MAST4: variants seen among roughly 807,000 people sequenced by gnomAD.
MAST4 encodes microtubule associated serine/threonine kinase family member 4.
MAST4 carries 89 observed loss-of-function variants against 162.7 expected under a neutral mutation model. The observed-to-expected ratio is 0.55, with a 90% CI of 0.46 to 0.65. MAST4 has a LOEUF of 0.65. Among genes scored for constraint, MAST4 ranks in the 30% least tolerant of loss-of-function variants. MAST4 has a pLI of 0.00. For missense variants in MAST4, 3,153 were observed against 3,374.0 expected, an observed-to-expected ratio of 0.93 and a Z score of 1.62; for synonymous variants, 1,479 against 1,361.1, an observed-to-expected ratio of 1.09 and a Z score of -1.91.
intron 14 of MAST4, among the ~76,000 whole-genome samples, chr5:67,128,345 T>C (rs1196823305): frequency 3.3e-5 from 5 of 152,196 alleles, no homozygotes; most frequent in Non-Finnish European, 7.3e-5. Flanking sequence ...GGCACCCAGC[T>C]GGCTGGCTTA....
chr5:66,912,672 A>G (rs541785364), intron 4 of MAST4, among the ~76,000 whole-genome samples: 4 of 152,260 alleles, frequency 2.6e-5, no homozygotes, highest in South Asian at 2.1e-4. Flanking sequence ...ACACCTGGTT[A>G]AAAGCATATT....
rs1265401843 is a variant in MAST4, at chr5:66,855,582, G to C, written c.643-44369G>C. 2.6e-5 allele frequency among the ~76,000 whole-genome samples: 4 copies of C among 152,230 alleles called. No homozygotes were observed. In the East Asian group the frequency reaches 7.7e-4, roughly 29 times the overall value. ...GGATGTTGTCAAGAAGCAGGAATGA[G>C]GGAGGAGAGATAAGGAAGCAATGCC... On this transcript the variant is annotated intron_variant, in intron 3 of 28. Transcript: ENST00000403625.
At chr5:66,716,928 C>G (rs1307574168) in intron 1 of MAST4, among the ~76,000 whole-genome samples, 3 of 152,216 alleles carry the variant, frequency 2.0e-5, no homozygotes. Context: ...ATTCAACAAA[C>G]ACATGTCTCC....
rs1251529966 is a variant in MAST4, at chr5:67,090,145, C to G, written c.764-17C>G. On this transcript the variant is annotated splice_polypyrimidine_tract_variant and intron_variant, in intron 5 of 28. Coordinates refer to ENST00000403625, the MANE Select transcript of MAST4 (RefSeq NM_001164664.2). ...ACAAAATCATGTAGTAAATTTCTCT[C>G]TTTTCTCTTTCTCTAGGAAATAGCC... The G allele has an allele frequency of 2.5e-6, 4 of 1,573,098 alleles. No individual in the cohort carries two copies. The highest frequency in any genetic ancestry group is 2.6e-6 in the Non-Finnish European group (3 of 1,144,554).
chr5:67,017,103 TAG>T (rs1753389066), intron 4 of MAST4, among the ~76,000 whole-genome samples: 2 of 152,214 alleles, frequency 1.3e-5, no homozygotes, highest in Non-Finnish European at 2.9e-5. Context: ...TTGCTGTGTT[TAG>T]AGAACGAAAA....
intron 1 of MAST4, among the ~76,000 whole-genome samples, chr5:66,682,284 A>G (rs1328693004): frequency 6.6e-6 from 1 of 152,198 alleles, no homozygotes; most frequent in Admixed American, 6.5e-5. Flanking sequence ...ACTGAGGTTA[A>G]TATCATCAGC....
At chr5:66,654,133 A>G (rs1381793888) in intron 1 of MAST4, among the ~76,000 whole-genome samples, 1 of 152,210 alleles carries the variant, frequency 6.6e-6, no homozygotes, top group African/African-American at 2.4e-5. Flanking sequence ...GCTGTCAAGG[A>G]ATTGGTGTGC....
chr5:67,037,455 A>G (rs1756164057), intron 4 of MAST4, among the ~76,000 whole-genome samples: 1 of 152,192 alleles, frequency 6.6e-6, no homozygotes, highest in Non-Finnish European at 1.5e-5. Flanking sequence ...TATTAAAAAT[A>G]CATAGCTCAT....
chr5:66,783,447 C>T (rs1374904814), intron 2 of MAST4: 1 of 152,214 alleles, frequency 6.6e-6, no homozygotes, highest in Non-Finnish European at 1.5e-5. Context: ...AGGAACTCAG[C>T]AGTCTGACAT....
chr5:67,045,458 A>G (rs2150509704), intron 4 of MAST4, among the ~76,000 whole-genome samples: 1 of 152,340 alleles, frequency 6.6e-6, no homozygotes, highest in Admixed American at 6.5e-5. Flanking sequence ...CACGAAATGG[A>G]GAATAACTCA....
In MAST4 at chr5:67,032,806, A is replaced by C. The variant is rs557725061; in HGVS notation, c.675-21598A>C. On this transcript the variant is annotated intron_variant, in intron 4 of 28. Coordinates refer to ENST00000403625, the MANE Select transcript of MAST4 (RefSeq NM_001164664.2). ...TTGAAAAAGAAAATGATGTGTATCT[A>C]TATTTTAAGCAGAAATACACAAACA... 4.7e-4 allele frequency among the ~76,000 whole-genome samples: 71 copies of C among 152,298 alleles called. No homozygotes were observed. The South Asian group carries it at 0.014, about 31-fold the overall frequency.
At chr5:66,916,930 T>C in intron 4 of MAST4, 1 of 715,786 alleles carries the variant, frequency 1.4e-6, no homozygotes, top group Middle Eastern at 2.3e-4. Context: ...AGTGCTGCAA[T>C]AAACAATTTT....
rs1469609244 is a variant in MAST4 at position 66,596,599 on chromosome 5, CG to C, written c.-56del. 5 of 1,377,506 alleles carry C rather than the reference CG, an allele frequency of 3.6e-6. No individual in the cohort carries two copies. The African/African-American group carries it at 7.5e-5, about 21-fold the overall frequency. The allele number at this position is 1,377,506 out of a possible 1,614,324, so 85.3% of individuals were successfully genotyped here. ...AGGAGCCCGCGTCTTCCCCGGGAGG[CG>C]CTGAGTGCGCGCCGCGCCCCCGCCG... On this transcript the variant is annotated 5_prime_UTR_variant, in exon 1 of 29. Transcript: ENST00000403625.
intron 5 of MAST4, among the ~76,000 whole-genome samples, chr5:67,087,258 G>C (rs192653404): frequency 6.6e-6 from 1 of 151,996 alleles, no homozygotes; most frequent in African/African-American, 2.4e-5. Context: ...TTTTTCACTC[G>C]TTTCTAATCT....
rs1334324369 is a variant in MAST4 at position 67,116,797 on chromosome 5, CA to C, written c.1592-1884del. On this transcript the variant is annotated intron_variant, in intron 12 of 28. Coordinates refer to ENST00000403625, the MANE Select transcript of MAST4 (RefSeq NM_001164664.2). ...CGCCATTGCACTACAGTCTGAGCGA[CA>C]GAACAAGACTCCATCTCAAGAAATA... 3.9e-5 allele frequency among the ~76,000 whole-genome samples: 6 copies of C among 152,214 alleles called. No homozygotes were observed. The East Asian group carries it at 9.8e-4, about 25-fold the overall frequency.
intron 1 of MAST4, among the ~76,000 whole-genome samples, chr5:66,638,718 A>G (rs62362294): frequency 0.26 from 39,991 of 152,132 alleles, 5,578 homozygotes; most frequent in Admixed American, 0.35. Flanking sequence ...TTGCATCACC[A>G]TCATTCCTGA....
chr5:66,636,682 C>T (rs1470354041), intron 1 of MAST4, among the ~76,000 whole-genome samples: 2 of 152,096 alleles, frequency 1.3e-5, no homozygotes, highest in African/African-American at 4.8e-5. Flanking sequence ...GCAATTGTGC[C>T]TGGGGTGTAG....
intron 1 of MAST4, among the ~76,000 whole-genome samples, chr5:66,736,680 A>G (rs1014378614): frequency 6.6e-6 from 1 of 152,242 alleles, no homozygotes; most frequent in Non-Finnish European, 1.5e-5. Context: ...TACAGTTAAC[A>G]GTGGTCTATT....
At chr5:67,093,028 C>T (rs1045804173) in intron 6 of MAST4, among the ~76,000 whole-genome samples, 1 of 152,170 alleles carries the variant, frequency 6.6e-6, no homozygotes, top group Admixed American at 6.5e-5. Flanking sequence ...TGGTGTATCA[C>T]TCCAGGTAAC....
Sources: gnomAD v4.1 joint callset for allele counts (sites outside exome capture counted in the v4.1 genomes callset) on GRCh38, gnomAD v4.1.1 for gene constraint, MANE v1.5 for transcripts, NCBI Gene and HGNC (gene_info 2026-07-23, HGNC 2026-07-21) for gene names.